BPIFB4: variants seen among roughly 807,000 people sequenced by gnomAD.
BPIFB4 encodes the protein BPI fold-containing family B member 4.
Under a neutral mutation model 69.2 loss-of-function variants are expected in BPIFB4, and 62 were observed. That is an observed-to-expected ratio of 0.90 (90% CI 0.73 to 1.11). The LOEUF (loss-of-function observed/expected upper bound fraction) is 1.11. Among genes scored for constraint, BPIFB4 ranks in the 50% least tolerant of loss-of-function variants. The pLI is 0.00. For missense variants in BPIFB4, 789 were observed against 792.0 expected (o/e 1.00, Z 0.04); for synonymous variants, 330 against 332.7 (o/e 0.99, Z 0.09).
intron 1 of BPIFB4, among the ~76,000 whole-genome samples, chr20:33,079,937 G>A (rs547643981): frequency 6.6e-6 from 1 of 152,312 alleles, no homozygotes; most frequent in South Asian, 2.1e-4. Context: ...TCCCAGGGAC[G>A]TTGGGTACCG....
At chr20:33,084,353 T>G (rs947326560) in intron 5 of BPIFB4, among the ~76,000 whole-genome samples, 2 of 152,192 alleles carry the variant, frequency 1.3e-5, no homozygotes, top group Non-Finnish European at 2.9e-5. Flanking sequence ...ACATTCTCTG[T>G]CTCCACGGAG....
In BPIFB4 at chr20:33,095,322, T is replaced by C. The variant is rs1600559045; in HGVS notation, c.1398+169T>C. On this transcript the variant is annotated intron_variant, in intron 12 of 17. Transcript: ENST00000375483. The stretch of plus-strand genomic sequence containing the variant: ...GGCTTGCAGGCTAGACCCCCATGGG[T>C]GGGGGCGGGGGAAGACACAGAGGGT... 2.0e-5 allele frequency among the ~76,000 whole-genome samples: 3 copies of C among 151,470 alleles called. No individual in the cohort carries two copies. In the South Asian group the frequency reaches 6.3e-4, roughly 32 times the overall value.
rs142517837 is a variant in BPIFB4 at position 33,097,780 on chromosome 20, T to C, written c.1562T>C (p.Ile521Thr). The C allele has an allele frequency of 4.0e-5, 65 of 1,612,358 alleles. No homozygotes were observed. The highest frequency in any genetic ancestry group is 1.9e-4 in the South Asian group (17 of 90,880). The stretch of plus-strand genomic sequence containing the variant: ...GACCTGGAGACTACCATCTGCCTCA[T>C]TGACGTGGTGAGTGTCTGGAGGTAC... Reference protein sequence around the residue: ...PKDLETTICLIDVDTEFLASF... With the variant: ...PKDLETTICLTDVDTEFLASF... The change falls in exon 13 of 18, where the codon ATT becomes ACT. Residue 521 changes from isoleucine to threonine, a missense_variant. Around this residue, in one of 3 missense-constraint regions of BPIFB4, gnomAD observed 170 missense variants for 193.6 expected, o/e 0.88. Coordinates refer to ENST00000375483, the MANE Select transcript of BPIFB4 (RefSeq NM_182519.3).
chr20:33,099,503 C>T (rs111351525), intron 13 of BPIFB4, among the ~76,000 whole-genome samples: 22 of 152,312 alleles, frequency 1.4e-4, no homozygotes, highest in Middle Eastern at 6.8e-3. Flanking sequence ...TCCTCCCCAG[C>T]GCACAGCTCT....
chr20:33,087,059 A>G (rs1327132363), intron 7 of BPIFB4, among the ~76,000 whole-genome samples: 2 of 152,126 alleles, frequency 1.3e-5, no homozygotes, highest in Non-Finnish European at 2.9e-5. Flanking sequence ...TGGAGACTTT[A>G]CTTCTGCTTC....
At position 33,107,760 on chromosome 20, in the gene BPIFB4, C is replaced by T. The variant is rs200374594; in HGVS notation, c.1761C>T (p.Gly587=). 1.8e-4 allele frequency: 285 copies of T among 1,613,922 alleles called. 2 individuals carry two copies. In the East Asian group the frequency reaches 6.2e-3, roughly 35 times the overall value. Residue 587 remains glycine, a synonymous_variant, in exon 17 of 18, where the codon GGC becomes GGT. Transcript: ENST00000375483. ...ATTTTACAGCTGTGCTGGGTTCTGG[C>T]GTCCCTCTCCCCAAAATCCTCAACA... ...MPAMNAVLGS[G]VPLPKILNID...
At chr20:33,104,917 G>T in intron 16 of BPIFB4, 44 bp downstream of exon 16, 1 of 1,584,420 alleles carries the variant, frequency 6.3e-7, no homozygotes, top group Admixed American at 1.7e-5. Flanking sequence ...TGTGGCTTGG[G>T]TACTGGGGGA....
chr20:33,087,038 C>T (rs981063998), intron 7 of BPIFB4, among the ~76,000 whole-genome samples: 7 of 152,124 alleles, frequency 4.6e-5, no homozygotes, highest in African/African-American at 1.2e-4. Flanking sequence ...TTCTGATTCC[C>T]GTGGGCTTCT....
At position 33,083,660 on chromosome 20, in the gene BPIFB4, G is replaced by A; in HGVS notation, c.463G>A (p.Gly155Arg). Residue 155 changes from glycine (G) to arginine (R), a missense_variant, in exon 5 of 18, where the codon GGA becomes AGA. Gly to Arg is a moderately radical substitution (Grantham distance 125, BLOSUM62 -2). This residue lies in a region of BPIFB4 where 611 missense variants were observed against 575.4 expected (regional missense o/e 1.06). Coordinates refer to ENST00000375483, the MANE Select transcript of BPIFB4 (RefSeq NM_182519.3). ...GRLHRRELQP[G>R]EIPPGVATGA... Reference sequence around the variant, plus strand: ...GCTTCACCGGCGAGAGCTGCAGCCTGGAGAAATCCCACCTGGAGTTGCCAC... The same window carrying A: ...GCTTCACCGGCGAGAGCTGCAGCCTAGAGAAATCCCACCTGGAGTTGCCAC... 1 of 1,614,102 alleles carries A rather than the reference G, an allele frequency of 6.2e-7. No homozygotes were observed. Among genetic ancestry groups the A allele is most frequent in the East Asian group, 2.2e-5 (1 of 44,868 alleles).
intron 12 of BPIFB4, among the ~76,000 whole-genome samples, chr20:33,096,168 A>C (rs1981748305): frequency 6.6e-6 from 1 of 152,216 alleles, no homozygotes; most frequent in Non-Finnish European, 1.5e-5. Flanking sequence ...TAACAGTGGC[A>C]GCTCCAGCCA....
chr20:33,092,013 A>G (rs1428011896), intron 10 of BPIFB4, among the ~76,000 whole-genome samples: 2 of 152,076 alleles, frequency 1.3e-5, no homozygotes, highest in African/African-American at 2.4e-5. Flanking sequence ...TGGTGGGGGT[A>G]GTGGTGTTGT....
chr20:33,083,621 G>T lies in BPIFB4; in HGVS notation c.424G>T (p.Ala142Ser). Residue 142 changes from alanine to serine, a missense_variant, in exon 5 of 18, where the codon GCA (alanine) becomes TCA (serine). Transcript: ENST00000375483. Reference sequence around the variant, plus strand: ...CAGGGGCCTCGGGCGATACAGGGCAGCACCTGTGGGCAGGCTTCACCGGCG... The same window carrying T: ...CAGGGGCCTCGGGCGATACAGGGCATCACCTGTGGGCAGGCTTCACCGGCG... ...GHRGLGRYRA[A>S]PVGRLHRREL... 1 of 1,614,082 alleles carries T rather than the reference G, an allele frequency of 6.2e-7. No homozygotes were observed. The highest frequency in any genetic ancestry group is 8.5e-7 in the Non-Finnish European group (1 of 1,179,980).
At chr20:33,094,572 T>A (rs1329901468) in intron 11 of BPIFB4, among the ~76,000 whole-genome samples, 2 of 151,972 alleles carry the variant, frequency 1.3e-5, no homozygotes, top group Non-Finnish European at 2.9e-5. Flanking sequence ...AGTGTTGTGA[T>A]GTTGGCTCAC....
At chr20:33,090,894 G>T in intron 10 of BPIFB4, 95 bp downstream of exon 10, 1 of 1,451,210 alleles carries the variant, frequency 6.9e-7, no homozygotes, top group Non-Finnish European at 9.5e-7. Flanking sequence ...TGAATGCCTG[G>T]GAAGTAACAC....
In BPIFB4 at chr20:33,104,995, T is replaced by A. The variant is rs1982008136; in HGVS notation, c.1744+122T>A. On this transcript the variant is annotated intron_variant, in intron 16 of 17. Coordinates refer to ENST00000375483, the MANE Select transcript of BPIFB4 (RefSeq NM_182519.3). Reference sequence around the variant, plus strand: ...CAATAGTATTTCTGAGCACTTCCTTTGAAGCGTGTCGATGAAAGCCTCCAA... The same window carrying A: ...CAATAGTATTTCTGAGCACTTCCTTAGAAGCGTGTCGATGAAAGCCTCCAA... The A allele has an allele frequency of 6.1e-6, 6 of 990,470 alleles. No individual in the cohort carries two copies. The East Asian group carries it at 8.1e-5, about 13-fold the overall frequency. 61.4% of individuals were successfully genotyped at this position (990,470 alleles called of 1,614,324 possible).
At chr20:33,083,936 T>G in intron 5 of BPIFB4, 62 bp downstream of exon 5, 1 of 1,507,498 alleles carries the variant, frequency 6.6e-7, no homozygotes, top group Non-Finnish European at 8.8e-7. Flanking sequence ...GGGTGATCAC[T>G]CCCTGAAGCT....
At chr20:33,086,273 G>A (rs1224839860) in intron 7 of BPIFB4, 109 bp downstream of exon 7, 7 of 1,395,424 alleles carry the variant, frequency 5.0e-6, no homozygotes, top group African/African-American at 1.4e-5. Flanking sequence ...TGGGCAGGAC[G>A]ATGATGCTGT....
intron 11 of BPIFB4, among the ~76,000 whole-genome samples, chr20:33,093,168 A>T (rs1981657287): frequency 6.6e-6 from 1 of 152,220 alleles, no homozygotes. Flanking sequence ...ACTAGTTAAA[A>T]TTTTGCCACA....
At position 33,100,329 on chromosome 20, in the gene BPIFB4, C is replaced by A. The variant is rs539848041; in HGVS notation, c.1570-97C>A. ...AACCTGCCATCATGCTCAGGGTTAA[C>A]GAAGCCCTAGCTAGCACTGGGCACA... is the stretch of plus-strand genomic sequence containing the variant. On this transcript the variant is annotated intron_variant, in intron 13 of 17. Transcript: ENST00000375483. The A allele has an allele frequency of 3.8e-5, 40 of 1,050,582 alleles. No homozygotes were observed. The African/African-American group carries it at 5.0e-4, about 13-fold the overall frequency. The allele number at this position is 1,050,582 out of a possible 1,614,324, so 65.1% of individuals were successfully genotyped here. A position where few individuals can be genotyped will look rare whatever the true frequency, so the allele number is the denominator to read the frequency against.
Sources: allele counts gnomAD v4.1 joint callset (sites outside exome capture counted in the v4.1 genomes callset), GRCh38; gene constraint gnomAD v4.1.1; regional missense constraint gnomAD v4.1.1; transcripts MANE v1.5; gene names NCBI Gene and HGNC (gene_info 2026-07-23, HGNC 2026-07-21).